Variants in NUP93 observed in about 807,000 individuals in gnomAD.
NUP93 encodes nucleoporin 93.
A neutral mutation model predicts 107.8 loss-of-function variants in NUP93; 55 were observed. That is an observed-to-expected ratio of 0.51 (90% confidence interval 0.41 to 0.64). The LOEUF (loss-of-function observed/expected upper bound fraction) is 0.64. Ranked by LOEUF, NUP93 falls within the 30% of genes least tolerant of loss-of-function variation. The probability of loss-of-function intolerance (pLI) is 0.00; values close to 1 mark genes in which losing one functional copy is unlikely to be tolerated. For missense variants in NUP93, 937 were observed against 1,044.7 expected (o/e 0.90, Z 1.42); for synonymous variants, 390 against 397.5 (o/e 0.98, Z 0.22).
intron 3 of NUP93, among the ~76,000 whole-genome samples, chr16:56,793,573 C>T (rs1962816681): frequency 1.3e-5 from 2 of 151,880 alleles, no homozygotes. Context: ...GCATGAGAGG[C>T]GTATCACAGG....
chr16:56,799,765 T>G (rs1250910952), intron 4 of NUP93, among the ~76,000 whole-genome samples: 1 of 152,242 alleles, frequency 6.6e-6, no homozygotes, highest in Non-Finnish European at 1.5e-5. Flanking sequence ...TAAAATATTC[T>G]GTGAAGGTGA....
intron 21 of NUP93, among the ~76,000 whole-genome samples, chr16:56,842,336 G>A (rs1964041407): frequency 6.6e-6 from 1 of 152,152 alleles, no homozygotes; most frequent in African/African-American, 2.4e-5. Context: ...ACTGCCCTCA[G>A]GTGGCAGGTA....
intron 3 of NUP93, among the ~76,000 whole-genome samples, chr16:56,775,940 G>A (rs1230795629): frequency 2.6e-5 from 4 of 152,130 alleles, no homozygotes; most frequent in Non-Finnish European, 5.9e-5. Flanking sequence ...CATCACCATA[G>A]TTGCTGTTTC....
chr16:56,764,214 G>A (rs981505177), intron 3 of NUP93, among the ~76,000 whole-genome samples: 3 of 152,202 alleles, frequency 2.0e-5, no homozygotes, highest in Admixed American at 6.5e-5. Flanking sequence ...TCAATGGCCG[G>A]ATGCGGTGGC....
intron 8 of NUP93, among the ~76,000 whole-genome samples, chr16:56,824,680 A>G (rs1429455578): frequency 2.0e-5 from 3 of 152,184 alleles, no homozygotes; most frequent in South Asian, 2.1e-4. Flanking sequence ...ATAAAACGAT[A>G]CTTCATTAGG....
chr16:56,761,776 T>G (rs1962131459), intron 3 of NUP93, among the ~76,000 whole-genome samples: 1 of 152,252 alleles, frequency 6.6e-6, no homozygotes, highest in Admixed American at 6.5e-5. Context: ...CTTTTTCTAT[T>G]TGGTAAACAT....
At chr16:56,767,390 A>T (rs1274448666) in intron 3 of NUP93, among the ~76,000 whole-genome samples, 1 of 152,252 alleles carries the variant, frequency 6.6e-6, no homozygotes, top group Non-Finnish European at 1.5e-5. Flanking sequence ...AATGAAGACT[A>T]GACTATTTGT....
intron 5 of NUP93, among the ~76,000 whole-genome samples, chr16:56,809,130 A>C (rs1356823002): frequency 2.6e-5 from 4 of 152,136 alleles, no homozygotes; most frequent in African/African-American, 9.7e-5. Context: ...GGCTACATCC[A>C]GGAGCAGCAA....
chr16:56,774,257 A>T (rs190246898), intron 3 of NUP93, among the ~76,000 whole-genome samples: 1 of 152,326 alleles, frequency 6.6e-6, no homozygotes, highest in Admixed American at 6.5e-5. Context: ...AGGAGGCCTT[A>T]AATCTGGTCT....
chr16:56,801,256 A>G (rs529058632), intron 4 of NUP93, among the ~76,000 whole-genome samples: 6 of 152,306 alleles, frequency 3.9e-5, no homozygotes, highest in African/African-American at 9.6e-5. Context: ...CTTTAGTTCA[A>G]TGGTTCAGAT....
At chr16:56,781,346 A>G (rs953309986) in intron 3 of NUP93, among the ~76,000 whole-genome samples, 44 of 152,210 alleles carry the variant, frequency 2.9e-4, no homozygotes, top group African/African-American at 1.0e-3. Context: ...TAAGAGGCCA[A>G]ACATTTAAGA....
intron 5 of NUP93, among the ~76,000 whole-genome samples, chr16:56,808,616 T>TATATAAATACATTTATATAAA (rs1567398997): frequency 9.6e-5 from 12 of 124,912 alleles, no homozygotes; most frequent in African/African-American, 3.3e-4. Flanking sequence ...ATATAAATAT[T>TATATAAATACATTTATATAAA]TATAAATATA....
intron 5 of NUP93, among the ~76,000 whole-genome samples, chr16:56,812,132 G>T (rs1364803873): frequency 1.3e-5 from 2 of 152,102 alleles, no homozygotes; most frequent in African/African-American, 2.4e-5. Flanking sequence ...ACATAATTTT[G>T]AGCTGACCTT....
intron 3 of NUP93, among the ~76,000 whole-genome samples, chr16:56,761,229 T>C (rs1215087029): frequency 6.6e-6 from 1 of 152,236 alleles, no homozygotes; most frequent in East Asian, 1.9e-4. Context: ...TTGGAGGTTT[T>C]AAGTTGTATT....
intron 13 of NUP93, among the ~76,000 whole-genome samples, chr16:56,833,727 T>G (rs1487539677): frequency 6.6e-6 from 1 of 152,124 alleles, no homozygotes; most frequent in Non-Finnish European, 1.5e-5. Context: ...GGGCTGGCTT[T>G]AATGACATTG....
chr16:56,783,418 A>G (rs575559936), intron 3 of NUP93: 2 of 951,680 alleles, frequency 2.1e-6, no homozygotes, highest in South Asian at 9.7e-5. Context: ...GGATTTACCC[A>G]TGACTAAGAT....
chr16:56,792,199 C>CA (rs758413690), intron 3 of NUP93, among the ~76,000 whole-genome samples: 3 of 151,742 alleles, frequency 2.0e-5, no homozygotes, highest in South Asian at 2.1e-4. Context: ...AAAAAACAAA[C>CA]AAAAAAACAA....
intron 4 of NUP93, among the ~76,000 whole-genome samples, chr16:56,799,808 C>A (rs1345598889): frequency 6.6e-6 from 1 of 152,166 alleles, no homozygotes; most frequent in African/African-American, 2.4e-5. Flanking sequence ...TGAAATAGGG[C>A]AGCAGGGAGA....
At chr16:56,739,029 G>C (rs1193654079) in intron 1 of NUP93, among the ~76,000 whole-genome samples, 1 of 150,020 alleles carries the variant, frequency 6.7e-6, no homozygotes, top group African/African-American at 2.5e-5. Flanking sequence ...CACAGGGTTG[G>C]GGGTAAGGTC....
Sources: allele counts gnomAD v4.1 joint callset (sites outside exome capture counted in the v4.1 genomes callset), GRCh38; gene constraint gnomAD v4.1.1; transcripts MANE v1.5; gene names NCBI Gene and HGNC (gene_info 2026-07-23, HGNC 2026-07-21).